Variants in MEA1 observed in about 807,000 individuals in gnomAD.
The protein encoded by MEA1 is Male-enhanced antigen (H-Y structural gene).
MEA1 carries 22 observed loss-of-function variants against 21.4 expected under a neutral mutation model. The observed-to-expected ratio is 1.03, with a 90% CI of 0.73 to 1.47. The LOEUF (loss-of-function observed/expected upper bound fraction) is 1.47. MEA1 is among the 40% of genes most tolerant of loss of function. The pLI is 0.00. For missense variants in MEA1, 233 were observed against 230.5 expected, an observed-to-expected ratio of 1.01 and a Z score of -0.07; for synonymous variants, 91 against 85.5, an observed-to-expected ratio of 1.06 and a Z score of -0.35.
upstream of MEA1, among the ~76,000 whole-genome samples, chr6:43,015,901 C>T (rs1219259720): frequency 6.9e-6 from 1 of 144,842 alleles, no homozygotes; most frequent in African/African-American, 2.6e-5. Context: ...CTGGATCTTT[C>T]TCTTGTCCTG....
upstream of MEA1, chr6:43,016,370 A>G (rs1243676345): frequency 1.3e-5 from 2 of 152,324 alleles, no homozygotes; most frequent in African/African-American, 4.8e-5. Flanking sequence ...TGGCAGGAGG[A>G]GAAAACCCCT....
chr6:43,011,270 G>T lies in MEA1; in HGVS notation c.*1200C>A. On this transcript the variant is annotated 3_prime_UTR_variant, in exon 4 of 4. Coordinates refer to ENST00000244711, the MANE Select transcript of MEA1 (RefSeq NM_014623.4). ...CGGGCGGAAGAGTTCCTAACTGCCAGCCAGGAGGCTCTCTGACCCCTCACG... is the reference window on the plus strand; with the variant it reads ...CGGGCGGAAGAGTTCCTAACTGCCATCCAGGAGGCTCTCTGACCCCTCACG... The T allele has an allele frequency of 6.2e-7, 1 of 1,613,994 alleles. No individual in the cohort carries two copies. Among genetic ancestry groups the T allele is most frequent in the South Asian group, 1.1e-5 (1 of 91,082 alleles).
intron 1 of MEA1, 134 bp from the exon 2 acceptor site, chr6:43,013,523 C>T: frequency 9.9e-7 from 1 of 1,012,332 alleles, no homozygotes; most frequent in South Asian, 1.7e-5. Context: ...CTCCACCCCT[C>T]CGCCCCAATT....
intron 3 of MEA1, 35 bp downstream of exon 3, chr6:43,012,891 A>G (rs770964280): frequency 5.7e-6 from 9 of 1,569,922 alleles, no homozygotes; most frequent in Non-Finnish European, 7.9e-6. Flanking sequence ...TCATTTCCTT[A>G]GTAATTATTC....
rs369676384 is a variant in MEA1 at position 43,012,297 on chromosome 6, C to T, written c.*173G>A. 6.5e-5 allele frequency: 90 copies of T among 1,382,586 alleles called. 1 individual carries two copies. In the African/African-American group the frequency reaches 1.1e-3, roughly 17 times the overall value. 85.6% of individuals were successfully genotyped at this position (1,382,586 alleles called of 1,614,324 possible). On this transcript the variant is annotated 3_prime_UTR_variant, in exon 4 of 4. Transcript: ENST00000244711. ...ATGCTAAGGTGGGTTGGGCTTGGAC[C>T]GATGTCCCCATATGTACAGAACTGA... is the stretch of plus-strand genomic sequence containing the variant.
chr6:43,012,156 T>TA lies in MEA1; in HGVS notation c.*313dup. The TA allele has an allele frequency of 3.8e-6, 4 of 1,045,964 alleles. No homozygotes were observed. Among genetic ancestry groups the TA allele is most frequent in the Non-Finnish European group, 4.6e-6 (4 of 862,128 alleles). 64.8% of individuals were successfully genotyped at this position (1,045,964 alleles called of 1,614,324 possible). ...GCTGGGCAGGCCTTCTCTTGTCCCT[T>TA]ATAGGTACCTTGGAGGGGCCAGGGG... On this transcript the variant is annotated 3_prime_UTR_variant, in exon 4 of 4. Transcript: ENST00000244711.
At chr6:43,014,080 T>G (rs979735100), upstream of MEA1, 5 of 1,418,340 alleles carry the variant, frequency 3.5e-6, no homozygotes, top group Admixed American at 2.9e-5. Context: ...CTCCTCGGTC[T>G]CGACACATAT....
At chr6:43,012,767 G>T in intron 3 of MEA1, 146 bp from the exon 4 acceptor site, 1 of 1,225,110 alleles carries the variant, frequency 8.2e-7, no homozygotes, top group Non-Finnish European at 1.1e-6. Flanking sequence ...CATCCCCAAA[G>T]CTAGCAAAAG....
rs1162483033 is a variant in MEA1, at chr6:43,013,769, G to A, written c.28+17C>T. Reference sequence around the variant, plus strand: ...ACCCGCCCCCTTCTCCCCTCTCCTAGAGGACCCCCTCTGTACCGCCTGACA... The same window carrying A: ...ACCCGCCCCCTTCTCCCCTCTCCTAAAGGACCCCCTCTGTACCGCCTGACA... On this transcript the variant is annotated intron_variant, in intron 1 of 3. Coordinates refer to ENST00000244711, the MANE Select transcript of MEA1 (RefSeq NM_014623.4). The A allele has an allele frequency of 9.5e-6, 15 of 1,577,898 alleles. No homozygotes were observed. In the South Asian group the frequency reaches 1.7e-4, roughly 18 times the overall value.
In MEA1 at chr6:43,011,532, C is replaced by T. The variant is rs372343188; in HGVS notation, c.*938G>A. 11 of 539,524 alleles carry T rather than the reference C, an allele frequency of 2.0e-5. No homozygotes were observed. Among genetic ancestry groups the T allele is most frequent in the East Asian group, 1.6e-4 (5 of 31,348 alleles). 33.4% of individuals were successfully genotyped at this position (539,524 alleles called of 1,614,324 possible). ...ACTAAGATGCTTAGTGCTCAGACAA[C>T]CTGGGGATGCCTGTCCCCTACCTGC... On this transcript the variant is annotated 3_prime_UTR_variant, in exon 4 of 4. Coordinates refer to ENST00000244711, the MANE Select transcript of MEA1 (RefSeq NM_014623.4).
rs1408670334 is a variant in MEA1, at chr6:43,012,787, C to T, written c.406+139G>A. On this transcript the variant is annotated intron_variant, in intron 3 of 3. Coordinates refer to ENST00000244711, the MANE Select transcript of MEA1 (RefSeq NM_014623.4). ...CCAAAGCTAGCAAAAGAGCATTTCACTTGGACTCTGAAGTCTACAAAATCT... is the reference window on the plus strand; with the variant it reads ...CCAAAGCTAGCAAAAGAGCATTTCATTTGGACTCTGAAGTCTACAAAATCT... 7 of 1,222,480 alleles carry T rather than the reference C, an allele frequency of 5.7e-6. No individual in the cohort carries two copies. In the East Asian group the frequency reaches 9.5e-5, roughly 17 times the overall value. 75.7% of individuals were successfully genotyped at this position (1,222,480 alleles called of 1,614,324 possible). A position where few individuals can be genotyped will look rare whatever the true frequency, so the allele number is the denominator to read the frequency against.
rs1179454057 is a variant in MEA1 at position 43,011,603 on chromosome 6, G to C, written c.*867C>G. 2.4e-6 allele frequency: 1 copy of C among 410,572 alleles called. No homozygotes were observed. The highest frequency in any genetic ancestry group is 4.5e-6 in the Non-Finnish European group (1 of 223,332). The allele number at this position is 410,572 out of a possible 1,614,324, so 25.4% of individuals were successfully genotyped here. On this transcript the variant is annotated 3_prime_UTR_variant, in exon 4 of 4. Transcript: ENST00000244711. ...AGGCTGCTCTGAGAAGTACACACAG[G>C]AATACATACGCTCCTCTATTCTTCC...
upstream of MEA1, chr6:43,014,564 A>G (rs775398948): frequency 3.5e-5 from 16 of 460,848 alleles, no homozygotes; most frequent in Non-Finnish European, 4.8e-5. Flanking sequence ...GGAGGAAGCA[A>G]TGAAGGAAAT....
Position 43,012,999 on chromosome 6 carries a change from T to C in MEA1, c.333A>G (p.Pro111=). The change falls in exon 3 of 4, where the codon CCA becomes CCG. Residue 111 remains proline, a synonymous_variant. Transcript: ENST00000244711. ...CCTCATCTTCATCTTCACTCTCTAA[T>C]GGTGGGTCTGGCAAATGAAGCCCCA... ...QALGLHLPDP[P]LESEDEDEEG... The C allele has an allele frequency of 6.2e-7, 1 of 1,614,188 alleles. No homozygotes were observed. Among genetic ancestry groups the C allele is most frequent in the African/African-American group, 1.3e-5 (1 of 75,050 alleles).
intron 3 of MEA1, 124 bp from the exon 4 acceptor site, chr6:43,012,745 G>A (rs1762415644): frequency 1.5e-6 from 2 of 1,307,560 alleles, no homozygotes; most frequent in Non-Finnish European, 1.0e-6. Flanking sequence ...GTTACTTTAA[G>A]GCAAGCCTGC....
chr6:43,013,215 T>A lies in MEA1; in HGVS notation c.203A>T (p.Tyr68Phe). 6.8e-6 allele frequency: 11 copies of A among 1,614,012 alleles called. No individual in the cohort carries two copies. Among genetic ancestry groups the A allele is most frequent in the Non-Finnish European group, 9.3e-6 (11 of 1,179,988 alleles). Residue 68 changes from tyrosine (Y) to phenylalanine (F), a missense_variant, in exon 2 of 4, where the codon TAC becomes TTC. Transcript: ENST00000244711. ...QEETGSGPAG[Y>F]SYQPLNQDPE... ...ATCTTGGTTCAGGGGCTGGTAGGAG[T>A]AGCCAGCTGGGCCCGACCCCGTTTC...
intron 1 of MEA1, 56 bp downstream of exon 1, chr6:43,013,730 A>G (rs920121223): frequency 1.0e-5 from 16 of 1,529,144 alleles, no homozygotes; most frequent in Non-Finnish European, 1.4e-5. Context: ...AGACTCCCCT[A>G]AACAGGTCGG....
chr6:43,013,748 GC>G, intron 1 of MEA1, 37 bp downstream of exon 1: 1 of 1,523,386 alleles, frequency 6.6e-7, no homozygotes, highest in Non-Finnish European at 9.0e-7. Context: ...CGGCGTACCC[GC>G]CCCCTTCTCC....
At chr6:43,015,992 G>C (rs1187121548), upstream of MEA1, among the ~76,000 whole-genome samples, 1 of 151,666 alleles carries the variant, frequency 6.6e-6, no homozygotes, top group Non-Finnish European at 1.5e-5. Flanking sequence ...CTGGAGTGCA[G>C]TGGTGTGATC....
Sources: gnomAD v4.1 joint callset for allele counts (sites outside exome capture counted in the v4.1 genomes callset) on GRCh38, gnomAD v4.1.1 for gene constraint, MANE v1.5 for transcripts, NCBI Gene and HGNC (gene_info 2026-07-23, HGNC 2026-07-21) for gene names.